The following POU6F2 variants were observed in gnomAD, a reference collection of about 807,000 sequenced individuals.
The protein encoded by POU6F2 is POU class 6 homeobox 2.
In POU6F2, 31 loss-of-function variants were observed where a neutral mutation model predicts 71.3. The observed-to-expected ratio is 0.43, with a 90% CI of 0.33 to 0.59. The LOEUF (loss-of-function observed/expected upper bound fraction) is 0.59, where lower values mean the gene tolerates loss of function less well. Among genes scored for constraint, POU6F2 ranks in the 20% least tolerant of loss-of-function variants. The pLI is 0.04. For synonymous variants in POU6F2, 347 were observed against 355.7 expected (o/e 0.98, Z 0.27); for missense variants, 783 against 856.8 (o/e 0.91, Z 1.07).
chr7:38,996,608 T>G (rs981115784), intron 1 of POU6F2, among the ~76,000 whole-genome samples: 2 of 152,198 alleles, frequency 1.3e-5, no homozygotes, highest in African/African-American at 4.8e-5. Context: ...TTCACAAGCA[T>G]CATGTTGGAT....
chr7:39,082,356 G>T (rs1365280489), intron 1 of POU6F2, among the ~76,000 whole-genome samples: 4 of 152,172 alleles, frequency 2.6e-5, no homozygotes, highest in African/African-American at 9.7e-5. Context: ...ATTGATAAAT[G>T]AATTGCAAAG....
At chr7:39,014,121 T>C (rs1210482860) in intron 1 of POU6F2, among the ~76,000 whole-genome samples, 1 of 152,208 alleles carries the variant, frequency 6.6e-6, no homozygotes, top group East Asian at 1.9e-4. Context: ...ATATCTTTTC[T>C]GGCTAGGAGA....
At chr7:39,347,386 A>G (rs541917434) in intron 5 of POU6F2, among the ~76,000 whole-genome samples, 4 of 152,292 alleles carry the variant, frequency 2.6e-5, no homozygotes, top group South Asian at 2.1e-4. Flanking sequence ...ATTGCATGTC[A>G]GTTTCGTAGC....
intron 7 of POU6F2, among the ~76,000 whole-genome samples, chr7:39,448,156 A>G (rs566069847): frequency 1.3e-5 from 2 of 152,342 alleles, no homozygotes; most frequent in South Asian, 2.1e-4. Context: ...ATGGAATTTC[A>G]TAGAAGTGGT....
chr7:39,324,569 T>C (rs558238520), intron 4 of POU6F2, among the ~76,000 whole-genome samples: 1 of 152,260 alleles, frequency 6.6e-6, no homozygotes, highest in Non-Finnish European at 1.5e-5. Context: ...TTGCTTGTTA[T>C]CGCAGCATAA....
chr7:39,296,587 G>A (rs1225306262), intron 4 of POU6F2, among the ~76,000 whole-genome samples: 2 of 152,120 alleles, frequency 1.3e-5, no homozygotes, highest in Admixed American at 1.3e-4. Flanking sequence ...CAGGTCTCCT[G>A]ACTCCCTCCC....
At position 39,464,066 on chromosome 7, in the gene POU6F2, G is replaced by A. The variant is rs1268112150; in HGVS notation, c.1659-116G>A. 7.3e-6 allele frequency: 10 copies of A among 1,365,104 alleles called. No individual in the cohort carries two copies. Among genetic ancestry groups the A allele is most frequent in the Non-Finnish European group, 7.0e-6 (7 of 993,506 alleles). The allele number at this position is 1,365,104 out of a possible 1,614,324, so 84.6% of individuals were successfully genotyped here. On this transcript the variant is annotated intron_variant, in intron 9 of 9. Transcript: ENST00000518318. The surrounding 1 kb of genome is among the most constrained non-coding windows in gnomAD (Gnocchi z 4.1). ...CTTGGGCAGGGCTGGCTACCTTGCA[G>A]CTGGCTATTAACCTGCAGTAAATTC... is the stretch of plus-strand genomic sequence containing the variant.
intron 2 of POU6F2, among the ~76,000 whole-genome samples, chr7:39,102,925 C>T (rs947156334): frequency 6.6e-6 from 1 of 152,138 alleles, no homozygotes; most frequent in African/African-American, 2.4e-5. Context: ...GCATAGAAAA[C>T]GTACAATACA....
intron 4 of POU6F2, among the ~76,000 whole-genome samples, chr7:39,221,499 T>G (rs911780454): frequency 2.7e-5 from 4 of 149,468 alleles, no homozygotes; most frequent in African/African-American, 7.4e-5. Flanking sequence ...CAAGCAATTC[T>G]CCTGCCTTAG....
chr7:39,438,807 G>A (rs1026694716), intron 7 of POU6F2, among the ~76,000 whole-genome samples: 10 of 152,274 alleles, frequency 6.6e-5, no homozygotes, highest in Non-Finnish European at 1.3e-4. Flanking sequence ...TAAGTGCCAT[G>A]TGGCACTGAG....
intron 2 of POU6F2, among the ~76,000 whole-genome samples, chr7:39,151,376 A>G (rs1340761042): frequency 6.6e-6 from 1 of 152,190 alleles, no homozygotes; most frequent in African/African-American, 2.4e-5. Flanking sequence ...CATTCTGATC[A>G]CATGTATCCT....
At chr7:39,233,405 G>A (rs977312998) in intron 4 of POU6F2, among the ~76,000 whole-genome samples, 2 of 152,006 alleles carry the variant, frequency 1.3e-5, no homozygotes, top group Non-Finnish European at 1.5e-5. Flanking sequence ...TAATTAAGGT[G>A]CCAATATTAT....
At chr7:39,277,431 C>G (rs148567288) in intron 4 of POU6F2, among the ~76,000 whole-genome samples, 1,928 of 152,178 alleles carry the variant, frequency 0.013, 34 homozygotes, top group African/African-American at 0.044. Flanking sequence ...GAGTCCCCAG[C>G]ATCTATTGTT....
intron 1 of POU6F2, among the ~76,000 whole-genome samples, chr7:39,012,396 T>C (rs1789318850): frequency 6.6e-6 from 1 of 150,624 alleles, no homozygotes; most frequent in Non-Finnish European, 1.5e-5. Flanking sequence ...AGCACTTCTC[T>C]GTATTGGTTA....
At chr7:39,443,452 T>C (rs953842918) in intron 7 of POU6F2, among the ~76,000 whole-genome samples, 7 of 152,194 alleles carry the variant, frequency 4.6e-5, no homozygotes, top group Non-Finnish European at 1.0e-4. Context: ...TCCCTCTTGC[T>C]CAAGGCATGT....
intron 4 of POU6F2, among the ~76,000 whole-genome samples, chr7:39,260,343 A>G (rs1451316647): frequency 1.3e-5 from 2 of 149,450 alleles, no homozygotes; most frequent in East Asian, 4.0e-4. Context: ...CACACACTCT[A>G]TACACATACA....
chr7:38,994,863 C>T (rs1788694047), intron 1 of POU6F2, among the ~76,000 whole-genome samples: 2 of 152,178 alleles, frequency 1.3e-5, no homozygotes, highest in Admixed American at 6.5e-5. Context: ...ATTCTGCTCA[C>T]CCACCCACTA....
chr7:39,430,262 C>T (rs529847732), intron 6 of POU6F2, among the ~76,000 whole-genome samples: 6 of 152,266 alleles, frequency 3.9e-5, no homozygotes, highest in African/African-American at 1.4e-4. Flanking sequence ...GAAAGGGGAA[C>T]AAAAATAAGA....
At chr7:39,103,473 T>C (rs1051160679) in intron 2 of POU6F2, among the ~76,000 whole-genome samples, 4 of 152,200 alleles carry the variant, frequency 2.6e-5, no homozygotes, top group Non-Finnish European at 2.9e-5. Flanking sequence ...TGCTTTTTCC[T>C]GGGAAGCTAA....
Sources: allele counts gnomAD v4.1 joint callset (sites outside exome capture counted in the v4.1 genomes callset), GRCh38; gene constraint gnomAD v4.1.1; non-coding constraint Gnocchi (gnomAD v3.1); transcripts MANE v1.5; gene names NCBI Gene and HGNC (gene_info 2026-07-23, HGNC 2026-07-21).